The following DVL1 variants were observed in gnomAD, a reference collection of about 807,000 sequenced individuals.
DVL1 encodes segment polarity protein dishevelled homolog DVL-1.
In DVL1, 49 loss-of-function variants were observed where a neutral mutation model predicts 65.0. The ratio of observed to expected loss-of-function variants is 0.75; its 90% confidence interval spans 0.60 to 0.96. The LOEUF is 0.96. DVL1 is among the 40% of genes least tolerant of loss of function. DVL1 has a pLI of 0.00. For missense variants in DVL1, 1,197 were observed against 1,045.4 expected, an observed-to-expected ratio of 1.15 and a Z score of -2.00; for synonymous variants, 608 against 433.9, an observed-to-expected ratio of 1.40 and a Z score of -4.99.
intron 1 of DVL1, among the ~76,000 whole-genome samples, chr1:1,347,721 G>C (rs950914780): frequency 6.6e-6 from 1 of 152,206 alleles, no homozygotes; most frequent in Non-Finnish European, 1.5e-5. Flanking sequence ...GGAGGAGCCC[G>C]GACCAGACTC....
intron 5 of DVL1, among the ~76,000 whole-genome samples, chr1:1,341,203 CTGCACACA>C (rs937666991): frequency 3.3e-5 from 5 of 151,264 alleles, no homozygotes; most frequent in Non-Finnish European, 7.4e-5. Flanking sequence ...ACACGCACAC[CTGCACACA>C]CGCACACGCA....
intron 1 of DVL1, among the ~76,000 whole-genome samples, chr1:1,344,771 G>A (rs1052008460): frequency 2.0e-5 from 3 of 152,156 alleles, no homozygotes; most frequent in Admixed American, 1.3e-4. Flanking sequence ...CGGGCCCCAC[G>A]GACACCGAGG....
chr1:1,338,699 G>T, intron 11 of DVL1, 46 bp from the exon 12 acceptor site: 4 of 1,585,266 alleles, frequency 2.5e-6, no homozygotes, highest in Non-Finnish European at 2.6e-6. Context: ...ATCTGAAGGC[G>T]GGGGACTCAG....
intron 5 of DVL1, among the ~76,000 whole-genome samples, chr1:1,340,759 C>A (rs1188689425): frequency 6.6e-6 from 1 of 151,842 alleles, no homozygotes; most frequent in African/African-American, 2.4e-5. Flanking sequence ...CACATGCACA[C>A]CTGCACACAC....
chr1:1,342,077 C>T lies in DVL1; in HGVS notation c.442G>A (p.Ala148Thr), dbSNP rs1020571626. 5.0e-6 allele frequency: 8 copies of T among 1,585,636 alleles called. No homozygotes were observed. The African/African-American group carries it at 8.1e-5, about 16-fold the overall frequency. The change falls in exon 4 of 15, where the codon GCC becomes ACC. Residue 148 changes from alanine (A) to threonine (T), a missense_variant. Physicochemically the swap from Ala to Thr is moderately conservative, Grantham distance 58. Coordinates refer to ENST00000378888, the MANE Select transcript of DVL1 (RefSeq NM_001330311.2). ...CCCTCCTCGCGGTTCCGGCGTCGGG[C>T]ACGCTCCCGCCGGTGACTGACCATG... is the stretch of plus-strand genomic sequence containing the variant. The part of the protein sequence containing the change: ...ESMVSHRRER[A>T]RRRNREEAAR...
chr1:1,341,693 G>C lies in DVL1; in HGVS notation c.579C>G (p.Asp193Glu), dbSNP rs745863226. The change falls in exon 5 of 15, where the codon GAC (aspartate) becomes GAG (glutamate). Residue 193 changes from aspartate to glutamate, a missense_variant. By Grantham distance (45) the Asp-to-Glu change is conservative. Transcript: ENST00000378888. Reference sequence around the variant, plus strand: ...TGCTCGTGCTGCCATCCTCGTCCGAGTCCACAAAGCTGCTGGACTCAAGCT... The same window carrying C: ...TGCTCGTGCTGCCATCCTCGTCCGACTCCACAAAGCTGCTGGACTCAAGCT... Reference protein sequence around the residue: ...SSELESSSFVDSDEDGSTSRL... With the variant: ...SSELESSSFVESDEDGSTSRL... 1.9e-6 allele frequency: 3 copies of C among 1,609,216 alleles called. No homozygotes were observed. The highest frequency in any genetic ancestry group is 2.5e-6 in the Non-Finnish European group (3 of 1,176,878).
Position 1,336,325 on chromosome 1 carries a change from C to T in DVL1, c.1905G>A (p.Ser635=), listed in dbSNP as rs766619185. The T allele has an allele frequency of 1.1e-5, 18 of 1,582,008 alleles. No individual in the cohort carries two copies. The highest frequency in any genetic ancestry group is 3.4e-5 in the South Asian group (3 of 88,924). ...GCGGGGGGAGCCCCGGGGCGGTAGC[C>T]GAGGCCTGACTGCGTGGGCTGCTGC... The part of the protein sequence containing the change: ...SRGSSPRSQA[S]ATAPGLPPPH... Residue 635 remains serine, a synonymous_variant, in exon 15 of 15, where the codon TCG becomes TCA. Coordinates refer to ENST00000378888, the MANE Select transcript of DVL1 (RefSeq NM_001330311.2).
intron 1 of DVL1, among the ~76,000 whole-genome samples, chr1:1,347,557 G>A (rs950026437): frequency 6.6e-6 from 1 of 152,204 alleles, no homozygotes; most frequent in South Asian, 2.1e-4. Flanking sequence ...TTTCCTGGTG[G>A]CACACATTTG....
At chr1:1,343,710 C>T (rs910580558) in intron 1 of DVL1, among the ~76,000 whole-genome samples, 1 of 152,138 alleles carries the variant, frequency 6.6e-6, no homozygotes, top group African/African-American at 2.4e-5. Flanking sequence ...GACTCTCAGA[C>T]CCGACGGACG....
Position 1,342,418 on chromosome 1 carries a change from G to T in DVL1, c.307C>A (p.Pro103Thr), listed in dbSNP as rs752252677. The change falls in exon 3 of 15, where the codon CCC (proline) becomes ACC (threonine). Residue 103 changes from proline to threonine, a missense_variant. By Grantham distance (38) the Pro-to-Thr change is conservative. Coordinates refer to ENST00000378888, the MANE Select transcript of DVL1 (RefSeq NM_001330311.2). ...SQGTDSHTDL[P>T]PPLERTGGIG... The stretch of plus-strand genomic sequence containing the variant: ...CCGCCTGTCCGCTCAAGAGGCGGGG[G>T]CAGGTCTGTGTGGCTGTCCGTGCCC... 1.3e-6 allele frequency: 2 copies of T among 1,595,070 alleles called. No homozygotes were observed. The highest frequency in any genetic ancestry group is 1.7e-4 in the Middle Eastern group (1 of 6,030).
At chr1:1,346,745 G>C (rs1427187924) in intron 1 of DVL1, among the ~76,000 whole-genome samples, 1 of 152,206 alleles carries the variant, frequency 6.6e-6, no homozygotes, top group Non-Finnish European at 1.5e-5. Flanking sequence ...AATGCAGCGG[G>C]GGCTGGCGCA....
intron 2 of DVL1, 92 bp from the exon 3 acceptor site, chr1:1,342,576 C>G: frequency 1.3e-6 from 2 of 1,573,906 alleles, no homozygotes; most frequent in Admixed American, 3.5e-5. Flanking sequence ...GCAAGCTGCC[C>G]TATCCGCACC....
intron 11 of DVL1, 84 bp from the exon 12 acceptor site, chr1:1,338,737 G>C (rs986669162): frequency 5.9e-5 from 90 of 1,520,722 alleles, no homozygotes; most frequent in Non-Finnish European, 7.5e-5. Flanking sequence ...GGAGCCTCTG[G>C]GCAGAGCCTG....
chr1:1,337,718 C>T, intron 14 of DVL1: 5 of 681,264 alleles, frequency 7.3e-6, no homozygotes, highest in Non-Finnish European at 1.3e-5. Context: ...GAGACGCTTC[C>T]CTGTCCTCCC....
rs768427713 is a variant in DVL1, at chr1:1,342,716, G to A, written c.213C>T (p.Pro71=). 12 of 1,613,006 alleles carry A rather than the reference G, an allele frequency of 7.4e-6. No individual in the cohort carries two copies. The highest frequency in any genetic ancestry group is 4.5e-5 in the East Asian group (2 of 44,888). ...AGGAGACCACGCGGCCGTTGAAGCAGGGAAGCTTGGCATTGTCATCAAAGA... is the reference window on the plus strand; with the variant it reads ...AGGAGACCACGCGGCCGTTGAAGCAAGGAAGCTTGGCATTGTCATCAAAGA... ...EEIFDDNAKL[P]CFNGRVVSWL... The change falls in exon 2 of 15, where the codon CCC becomes CCT. Residue 71 remains proline (P), a synonymous_variant. Coordinates refer to ENST00000378888, the MANE Select transcript of DVL1 (RefSeq NM_001330311.2).
At chr1:1,338,229 T>TGGGCCGCCC in intron 13 of DVL1, 40 bp downstream of exon 13, 4 of 1,522,366 alleles carry the variant, frequency 2.6e-6, no homozygotes, top group Non-Finnish European at 3.6e-6. Context: ...CCTCCGGCGT[T>TGGGCCGCCC]CCCCTCCCCC....
chr1:1,340,530 G>A (rs989606367), intron 5 of DVL1, 27 bp from the exon 6 acceptor site: 56 of 1,576,744 alleles, frequency 3.6e-5, no homozygotes, highest in Non-Finnish European at 4.7e-5. Context: ...AGAGCTCAGA[G>A]GAGCTGGAGA....
chr1:1,338,816 G>A (rs1230015664), intron 11 of DVL1, among the ~76,000 whole-genome samples, 163 bp from the exon 12 acceptor site: 4 of 152,348 alleles, frequency 2.6e-5, no homozygotes, highest in African/African-American at 9.6e-5. Flanking sequence ...ACCCCCGTGA[G>A]GCTGGGGCGT....
chr1:1,346,942 C>T (rs534095153), intron 1 of DVL1, among the ~76,000 whole-genome samples: 23 of 152,318 alleles, frequency 1.5e-4, no homozygotes, highest in African/African-American at 4.8e-4. Context: ...ACCAACCAGC[C>T]CCTCCCACGG....
Sources: gnomAD v4.1 joint callset for allele counts (sites outside exome capture counted in the v4.1 genomes callset) on GRCh38, gnomAD v4.1.1 for gene constraint, MANE v1.5 for transcripts, NCBI Gene and HGNC (gene_info 2026-07-23, HGNC 2026-07-21) for gene names.